NBEA: variants seen among roughly 807,000 people sequenced by gnomAD.
The protein encoded by NBEA is neurobeachin, also known as lysosomal-trafficking regulator 2.
A neutral mutation model predicts 343.4 loss-of-function variants in NBEA; 44 were observed. That is an observed-to-expected ratio of 0.13 (90% CI 0.10 to 0.16). The LOEUF (loss-of-function observed/expected upper bound fraction) is 0.16, where lower values mean the gene tolerates loss of function less well. Ranked by LOEUF, NBEA falls within the 10% of genes least tolerant of loss-of-function variation. The pLI, the probability that NBEA is intolerant of heterozygous loss-of-function variation, is 1.00. For synonymous variants in NBEA, 1,175 were observed against 1,238.7 expected, an observed-to-expected ratio of 0.95 and a Z score of 1.08; for missense variants, 2,555 against 3,631.3, an observed-to-expected ratio of 0.70 and a Z score of 7.62.
chr13:35,282,990 G>A (rs903435908), intron 34 of NBEA, among the ~76,000 whole-genome samples: 1 of 152,048 alleles, frequency 6.6e-6, no homozygotes, highest in Non-Finnish European at 1.5e-5. Context: ...TAAAGTTGGG[G>A]CAGTGTTTCA....
intron 38 of NBEA, among the ~76,000 whole-genome samples, chr13:35,395,021 A>C (rs1223222890): frequency 6.6e-6 from 1 of 152,116 alleles, no homozygotes; most frequent in Admixed American, 6.6e-5. Flanking sequence ...ATTATTTAGA[A>C]GTATGTTGTT....
intron 26 of NBEA, among the ~76,000 whole-genome samples, chr13:35,172,315 T>C (rs1193313978): frequency 6.6e-6 from 1 of 152,076 alleles, no homozygotes; most frequent in African/African-American, 2.4e-5. Flanking sequence ...GGAATCATTT[T>C]GTATTCATTA....
At chr13:35,358,090 C>T (rs1041554382) in intron 38 of NBEA, among the ~76,000 whole-genome samples, 3 of 152,020 alleles carry the variant, frequency 2.0e-5, no homozygotes, top group South Asian at 2.1e-4. Context: ...GGCACGATCT[C>T]GGCTCACTGC....
At chr13:35,632,740 C>T (rs1241569960) in intron 49 of NBEA, among the ~76,000 whole-genome samples, 1 of 151,986 alleles carries the variant, frequency 6.6e-6, no homozygotes, top group Admixed American at 6.5e-5. Context: ...ATTATAGACA[C>T]CCACAACCGC....
chr13:35,016,274 A>G (rs541447668), intron 1 of NBEA, among the ~76,000 whole-genome samples: 5 of 103,982 alleles, frequency 4.8e-5, no homozygotes, highest in African/African-American at 1.7e-4. Flanking sequence ...GTGTATACAT[A>G]TATACACATA....
chr13:35,473,730 A>G (rs921363563), intron 41 of NBEA, among the ~76,000 whole-genome samples: 1 of 152,220 alleles, frequency 6.6e-6, no homozygotes, highest in Non-Finnish European at 1.5e-5. Context: ...TTGAATTTCT[A>G]ATGAATTTAT....
intron 1 of NBEA, among the ~76,000 whole-genome samples, chr13:35,011,367 A>G (rs1157639412): frequency 6.6e-6 from 1 of 152,212 alleles, no homozygotes; most frequent in Non-Finnish European, 1.5e-5. Context: ...AAATTGAGAA[A>G]GTTTAATTAG....
intron 41 of NBEA, among the ~76,000 whole-genome samples, chr13:35,536,033 G>A (rs2078523590): frequency 6.6e-6 from 1 of 152,102 alleles, no homozygotes; most frequent in Non-Finnish European, 1.5e-5. Context: ...GATGCTGAGG[G>A]AGCTGTAGCT....
chr13:34,972,367 A>G (rs1017836868), intron 1 of NBEA, among the ~76,000 whole-genome samples: 8 of 151,982 alleles, frequency 5.3e-5, no homozygotes, highest in Non-Finnish European at 1.2e-4. Context: ...GTCTTCTGAT[A>G]GCTTTGGGAT....
At chr13:35,311,818 C>A (rs2037387627) in intron 36 of NBEA, among the ~76,000 whole-genome samples, 1 of 152,082 alleles carries the variant, frequency 6.6e-6, no homozygotes, top group Non-Finnish European at 1.5e-5. Context: ...CGTGCCATTG[C>A]ACTTCAGCCT....
chr13:35,174,896 G>T (rs969400981), intron 27 of NBEA, among the ~76,000 whole-genome samples: 1 of 151,642 alleles, frequency 6.6e-6, no homozygotes, highest in African/African-American at 2.4e-5. Flanking sequence ...GGATTCAAGC[G>T]ATTCTCCTGC....
chr13:35,449,841 T>C (rs1486356696), intron 39 of NBEA, among the ~76,000 whole-genome samples: 1 of 152,208 alleles, frequency 6.6e-6, no homozygotes, highest in Non-Finnish European at 1.5e-5. Context: ...CATAATACTA[T>C]TTGTCTCTGA....
intron 38 of NBEA, among the ~76,000 whole-genome samples, chr13:35,369,249 C>T (rs981969920): frequency 1.4e-5 from 2 of 139,432 alleles, no homozygotes; most frequent in African/African-American, 5.4e-5. Flanking sequence ...TTCTGGGTTT[C>T]CTATTCTGTT....
At chr13:35,317,035 A>G (rs961257305) in intron 36 of NBEA, among the ~76,000 whole-genome samples, 1 of 152,078 alleles carries the variant, frequency 6.6e-6, no homozygotes, top group Admixed American at 6.6e-5. Context: ...GATAGATTGC[A>G]AAAATTTTCT....
intron 41 of NBEA, among the ~76,000 whole-genome samples, chr13:35,482,164 AT>A (rs1055497433): frequency 6.6e-6 from 1 of 151,448 alleles, no homozygotes; most frequent in Non-Finnish European, 1.5e-5. Flanking sequence ...AGTAAGATTT[AT>A]TTTTTTTAAT....
chr13:35,196,433 G>C (rs528609806), intron 31 of NBEA, 131 bp downstream of exon 31: 1 of 874,222 alleles, frequency 1.1e-6, no homozygotes, highest in African/African-American at 1.7e-5. Flanking sequence ...CAATCAAAAT[G>C]ATGGCTCAAC....
chr13:35,634,523 G>A (rs1360148084), intron 49 of NBEA, among the ~76,000 whole-genome samples: 2 of 152,172 alleles, frequency 1.3e-5, no homozygotes, highest in East Asian at 3.8e-4. Flanking sequence ...TTCTGAACTT[G>A]TCATAATACT....
intron 41 of NBEA, among the ~76,000 whole-genome samples, chr13:35,545,295 C>A (rs1438078083): frequency 6.6e-6 from 1 of 152,132 alleles, no homozygotes; most frequent in Non-Finnish European, 1.5e-5. Flanking sequence ...TTGCCTGAAG[C>A]AGCATCCCCT....
At chr13:35,597,922 A>G (rs2081881085) in intron 47 of NBEA, among the ~76,000 whole-genome samples, 1 of 152,152 alleles carries the variant, frequency 6.6e-6, no homozygotes, top group Admixed American at 6.5e-5. Flanking sequence ...GAGGTCACTG[A>G]GGGTGGAGGG....
Sources: gnomAD v4.1 joint callset for allele counts (sites outside exome capture counted in the v4.1 genomes callset) on GRCh38, gnomAD v4.1.1 for gene constraint, MANE v1.5 for transcripts, NCBI Gene and HGNC (gene_info 2026-07-23, HGNC 2026-07-21) for gene names.